SNAPC3: variants seen among roughly 807,000 people sequenced by gnomAD.
SNAPC3 encodes small nuclear RNA activating complex polypeptide 3, also known as snRNA-activating protein complex subunit 3.
In SNAPC3, 56 loss-of-function variants were observed where a neutral mutation model predicts 47.7. The ratio of observed to expected loss-of-function variants is 1.18; its 90% CI spans 0.95 to 1.47. The LOEUF (loss-of-function observed/expected upper bound fraction) is 1.47. Among genes scored for constraint, SNAPC3 ranks in the 40% most tolerant of loss-of-function variants. SNAPC3 has a pLI of 0.00. For missense variants in SNAPC3, 665 were observed against 511.3 expected (o/e 1.30, Z -2.90); for synonymous variants, 235 against 189.9 (o/e 1.24, Z -1.95).
intron 6 of SNAPC3, among the ~76,000 whole-genome samples, chr9:15,451,995 G>A (rs571540144): frequency 8.6e-5 from 13 of 151,648 alleles, no homozygotes; most frequent in East Asian, 1.9e-4. Flanking sequence ...AAAAAGTCTC[G>A]TTCTGTCACC....
intron 8 of SNAPC3, among the ~76,000 whole-genome samples, chr9:15,458,514 C>G (rs903213460): frequency 1.3e-5 from 2 of 152,160 alleles, no homozygotes; most frequent in African/African-American, 2.4e-5. Flanking sequence ...TGCCTCTTGT[C>G]CACATAGTTT....
rs373208613 is a variant in SNAPC3, at chr9:15,434,889, A to G, written c.477+1253A>G. Among the ~76,000 whole-genome samples, 84 of 152,340 alleles carry G rather than the reference A, an allele frequency of 5.5e-4. 1 individual carries two copies. The highest frequency in any genetic ancestry group is 1.9e-3 in the African/African-American group (81 of 41,570). The stretch of plus-strand genomic sequence containing the variant: ...TTTGGCTATTGCGAATAATGCTGCT[A>G]TGAAAATTGGTGTACAGATATCTTT... On this transcript the variant is annotated intron_variant, in intron 3 of 8. Coordinates refer to ENST00000380821, the MANE Select transcript of SNAPC3 (RefSeq NM_001039697.2).
At chr9:15,435,884 C>A (rs2032752513) in intron 3 of SNAPC3, among the ~76,000 whole-genome samples, 1 of 81,770 alleles carries the variant, frequency 1.2e-5, no homozygotes, top group South Asian at 3.2e-4. Context: ...GCTCTTGTTG[C>A]CCAACCTAGA....
intron 5 of SNAPC3, among the ~76,000 whole-genome samples, chr9:15,449,151 G>C (rs1366207105): frequency 1.3e-5 from 2 of 151,962 alleles, no homozygotes; most frequent in East Asian, 3.9e-4. Context: ...CTTCTGCAAA[G>C]TTTTTTAACC....
chr9:15,430,471 A>G (rs1437510336), intron 2 of SNAPC3, among the ~76,000 whole-genome samples: 1 of 152,176 alleles, frequency 6.6e-6, no homozygotes, highest in African/African-American at 2.4e-5. Context: ...CAGAAAACAA[A>G]AAAAGAACAA....
intron 3 of SNAPC3, among the ~76,000 whole-genome samples, chr9:15,442,023 G>T (rs951868012): frequency 6.6e-6 from 1 of 151,366 alleles, no homozygotes; most frequent in Admixed American, 6.6e-5. Flanking sequence ...AGGCGGAGGC[G>T]CTCCCCACCT....
downstream of SNAPC3, among the ~76,000 whole-genome samples, chr9:15,466,181 C>T (rs970763045): frequency 1.3e-5 from 2 of 152,166 alleles, no homozygotes; most frequent in South Asian, 2.1e-4. Context: ...AGTTCGAGGC[C>T]GGGCTGGCCA....
chr9:15,450,992 C>G (rs911161864), intron 5 of SNAPC3, among the ~76,000 whole-genome samples: 1 of 152,136 alleles, frequency 6.6e-6, no homozygotes, highest in Non-Finnish European at 1.5e-5. Flanking sequence ...GCTCGATGAT[C>G]ATTGTTACTA....
chr9:15,445,963 G>T (rs1205099856), intron 4 of SNAPC3, among the ~76,000 whole-genome samples: 2 of 152,062 alleles, frequency 1.3e-5, no homozygotes, highest in Non-Finnish European at 2.9e-5. Flanking sequence ...CCCAGAAAAA[G>T]ATCCCAAATG....
At chr9:15,437,629 T>C (rs2032951039) in intron 3 of SNAPC3, among the ~76,000 whole-genome samples, 1 of 151,776 alleles carries the variant, frequency 6.6e-6, no homozygotes, top group Non-Finnish European at 1.5e-5. Context: ...GTTGTTTTTT[T>C]TTTTTTTTTG....
chr9:15,444,917 C>A (rs1303193451), intron 4 of SNAPC3, among the ~76,000 whole-genome samples: 1 of 152,100 alleles, frequency 6.6e-6, no homozygotes, highest in East Asian at 1.9e-4. Context: ...CACAGTGAGA[C>A]CTTGTCTCTA....
At chr9:15,442,276 C>CGGCT (rs1563846816) in intron 3 of SNAPC3, among the ~76,000 whole-genome samples, 1 of 148,784 alleles carries the variant, frequency 6.7e-6, no homozygotes, top group Non-Finnish European at 1.5e-5. Context: ...CTGGATGGGG[C>CGGCT]GGCTGGCCGG....
At chr9:15,444,416 G>A (rs548418406) in intron 3 of SNAPC3, among the ~76,000 whole-genome samples, 186 bp from the exon 4 acceptor site, 1 of 152,318 alleles carries the variant, frequency 6.6e-6, no homozygotes, top group South Asian at 2.1e-4. Flanking sequence ...GTATTTTCTG[G>A]TTCTGTTTGT....
At chr9:15,466,725 AC>A (rs1262316911), downstream of SNAPC3, 3 of 1,549,416 alleles carry the variant, frequency 1.9e-6, no homozygotes, top group Non-Finnish European at 2.7e-6. Context: ...AACACACAAG[AC>A]CCATTAAAAC....
At chr9:15,456,827 G>C (rs1474358210) in intron 7 of SNAPC3, among the ~76,000 whole-genome samples, 1 of 152,060 alleles carries the variant, frequency 6.6e-6, no homozygotes, top group African/African-American at 2.4e-5. Flanking sequence ...CTTTTTAAAA[G>C]GCCATTTATA....
At chr9:15,443,004 A>G (rs2033621003) in intron 3 of SNAPC3, among the ~76,000 whole-genome samples, 1 of 152,222 alleles carries the variant, frequency 6.6e-6, no homozygotes, top group Non-Finnish European at 1.5e-5. Context: ...CCCCGTCTCC[A>G]CCAAAAAAAT....
At chr9:15,464,786 T>TA (rs2035498557), downstream of SNAPC3, 1 of 206,372 alleles carries the variant, frequency 4.8e-6, no homozygotes, top group South Asian at 1.9e-4. Context: ...TTCATTCCTA[T>TA]ATATACCCAG....
intron 1 of SNAPC3, among the ~76,000 whole-genome samples, chr9:15,423,483 A>G (rs570068891): frequency 2.6e-5 from 4 of 152,272 alleles, no homozygotes; most frequent in East Asian, 1.9e-4. Flanking sequence ...AAGAAAAGCA[A>G]TCAGGGCAAC....
intron 3 of SNAPC3, among the ~76,000 whole-genome samples, chr9:15,442,008 C>T (rs528376430): frequency 4.0e-5 from 6 of 151,892 alleles, no homozygotes; most frequent in East Asian, 2.0e-4. Flanking sequence ...GACAGGGCGG[C>T]GGCCAGGCGG....
Sources: gnomAD v4.1 joint callset for allele counts (sites outside exome capture counted in the v4.1 genomes callset) on GRCh38, gnomAD v4.1.1 for gene constraint, MANE v1.5 for transcripts, NCBI Gene and HGNC (gene_info 2026-07-23, HGNC 2026-07-21) for gene names.